Variants in OR3A2 observed in about 807,000 individuals in gnomAD.
OR3A2 encodes olfactory receptor 3A2.
For missense variants in OR3A2, 318 were observed against 392.8 expected (o/e 0.81, Z 1.61); for synonymous variants, 126 against 159.3 (o/e 0.79, Z 1.57).
chr17:3,285,384 T>C (rs900782996), upstream of OR3A2, among the ~76,000 whole-genome samples: 7 of 152,200 alleles, frequency 4.6e-5, no homozygotes, highest in African/African-American at 1.7e-4. Flanking sequence ...CTCAGTTTCC[T>C]CATCTGTAAA....
chr17:3,291,978 A>T, intron 3 of OR3A2: 6 of 1,614,228 alleles, frequency 3.7e-6, no homozygotes, highest in Non-Finnish European at 5.1e-6. Context: ...CACAGCAAAA[A>T]GCAGCAGCTC....
intron 3 of OR3A2, chr17:3,291,943 T>A (rs757012335): frequency 6.2e-7 from 1 of 1,613,962 alleles, no homozygotes; most frequent in Non-Finnish European, 8.5e-7. Context: ...ATGAGAGCCA[T>A]GGGGGTACCT....
chr17:3,310,810 C>G (rs1192083141), intron 3 of OR3A2: 1 of 787,340 alleles, frequency 1.3e-6, no homozygotes, highest in Admixed American at 1.9e-5. Flanking sequence ...GTTGCCCTGT[C>G]TCCTCTTAAC....
chr17:3,371,346 G>T (rs867575798), intron 2 of OR3A2, among the ~76,000 whole-genome samples: 1 of 150,628 alleles, frequency 6.6e-6, no homozygotes, highest in African/African-American at 2.4e-5. Context: ...CTCATCTCCC[G>T]GACGAGGCGG....
In OR3A2 at chr17:3,372,870, AGGG is replaced by A. The variant is rs2049644394; in HGVS notation, c.-179+10931_-179+10933del. Among the ~76,000 whole-genome samples the A allele has an allele frequency of 2.6e-4, 5 of 19,304 alleles. No individual in the cohort carries two copies. In the South Asian group the frequency reaches 0.019, roughly 74 times the overall value. 12.7% of individuals were successfully genotyped at this position (19,304 alleles called of 152,430 possible). On this transcript the variant is annotated intron_variant, in intron 2 of 4. Coordinates refer to the OR3A2 transcript ENST00000573491. ...GAAGGAGAGGGAGAGGGAGAGGGAGAGGGAGAGGGAGAGGGAGAGGGAGAGGGA... is the reference window on the plus strand; with the variant it reads ...GAAGGAGAGGGAGAGGGAGAGGGAGAAGAGGGAGAGGGAGAGGGAGAGGGA...
intron 2 of OR3A2, among the ~76,000 whole-genome samples, chr17:3,345,536 A>G (rs538500592): frequency 1.3e-5 from 2 of 152,248 alleles, no homozygotes; most frequent in South Asian, 2.1e-4. Context: ...GTGAAATAAA[A>G]TAAGAAGAGC....
chr17:3,370,551 C>T lies in OR3A2; in HGVS notation c.-179+13253G>A, dbSNP rs550962120. ...TGCTCTGATCTTTGTTATTTCTTTT[C>T]TTCTGCTGGGTTTGGGTTTCGTTTG... is the stretch of plus-strand genomic sequence containing the variant. On this transcript the variant is annotated intron_variant, in intron 2 of 4. Coordinates refer to the OR3A2 transcript ENST00000573491. 8.6e-5 allele frequency among the ~76,000 whole-genome samples: 13 copies of T among 151,622 alleles called. No individual in the cohort carries two copies. In the East Asian group the frequency reaches 2.5e-3, roughly 29 times the overall value.
chr17:3,296,177 A>T (rs778933100), intron 3 of OR3A2, among the ~76,000 whole-genome samples: 4 of 152,202 alleles, frequency 2.6e-5, no homozygotes, highest in African/African-American at 9.6e-5. Flanking sequence ...TCACAGCCCA[A>T]TGGAAAGAAA....
chr17:3,280,612 T>A (rs907800790), intron 1 of OR3A2, among the ~76,000 whole-genome samples: 2 of 152,102 alleles, frequency 1.3e-5, no homozygotes, highest in Non-Finnish European at 2.9e-5. Context: ...TCAAAAAACA[T>A]CAATGTCTCT....
chr17:3,344,342 G>A (rs2049345392), intron 2 of OR3A2, among the ~76,000 whole-genome samples: 1 of 151,992 alleles, frequency 6.6e-6, no homozygotes, highest in East Asian at 1.9e-4. Flanking sequence ...TTCCTGCTTT[G>A]CGTGTCCTGT....
intron 1 of OR3A2, among the ~76,000 whole-genome samples, chr17:3,284,040 C>G (rs1452829051): frequency 6.8e-6 from 1 of 147,938 alleles, no homozygotes; most frequent in Non-Finnish European, 1.5e-5. Flanking sequence ...CCATCCCTCA[C>G]GCGCCCAACA....
chr17:3,360,657 C>T (rs894921997), intron 2 of OR3A2, among the ~76,000 whole-genome samples: 11 of 151,698 alleles, frequency 7.3e-5, no homozygotes, highest in East Asian at 1.9e-4. Flanking sequence ...TTTCCCAGCA[C>T]CATTTGTTAA....
intron 3 of OR3A2, among the ~76,000 whole-genome samples, chr17:3,333,473 C>G (rs389631): frequency 6.6e-6 from 1 of 151,950 alleles, no homozygotes; most frequent in Non-Finnish European, 1.5e-5. Flanking sequence ...TGACCTACTC[C>G]CTGTTCGTAC....
At chr17:3,281,151 G>A (rs1175714508) in intron 1 of OR3A2, among the ~76,000 whole-genome samples, 1 of 152,086 alleles carries the variant, frequency 6.6e-6, no homozygotes, top group East Asian at 1.9e-4. Flanking sequence ...GATTTATGTG[G>A]GAGCCCCCAA....
At chr17:3,346,211 G>A (rs748066378) in intron 2 of OR3A2, among the ~76,000 whole-genome samples, 1 of 152,164 alleles carries the variant, frequency 6.6e-6, no homozygotes, top group South Asian at 2.1e-4. Context: ...TTTTAAGGCT[G>A]AATAGCATTC....
chr17:3,301,439 C>A (rs1311894184), intron 3 of OR3A2, among the ~76,000 whole-genome samples: 2 of 152,086 alleles, frequency 1.3e-5, no homozygotes. Flanking sequence ...TCTCTGATGG[C>A]CAGTGATGAT....
In OR3A2 at chr17:3,311,893, A is replaced by G. The variant is rs374386670; in HGVS notation, c.-85+24140T>C. On this transcript the variant is annotated intron_variant, in intron 3 of 4. Coordinates refer to the OR3A2 transcript ENST00000573491. The surrounding 1 kb of genome is among the most constrained non-coding windows in gnomAD (Gnocchi z 4.6). ...CCTCCAGAACCCTGATGTGCAGGGC[A>G]CCCTGAAAAGGGTGCTGACAGGGAA... The G allele has an allele frequency of 8.2e-4, 128 of 156,280 alleles. 4 individuals are homozygous for G. The South Asian group carries it at 0.014, about 18-fold the overall frequency. The allele number at this position is 156,280 out of a possible 1,614,324, so 9.7% of individuals were successfully genotyped here. A position where few individuals can be genotyped will look rare whatever the true frequency, so the allele number is the denominator to read the frequency against.
intron 2 of OR3A2, among the ~76,000 whole-genome samples, chr17:3,352,886 A>G (rs759336522): frequency 1.6e-4 from 25 of 151,988 alleles, no homozygotes; most frequent in Admixed American, 2.6e-4. Flanking sequence ...TAAACATGCA[A>G]TATCTTTCCA....
chr17:3,333,161 C>A (rs1018340419), intron 3 of OR3A2, among the ~76,000 whole-genome samples: 1 of 152,160 alleles, frequency 6.6e-6, no homozygotes, highest in Admixed American at 6.5e-5. Flanking sequence ...GGGTGGAGGT[C>A]TATAAATTGC....
Sources: gnomAD v4.1 joint callset for allele counts (sites outside exome capture counted in the v4.1 genomes callset) on GRCh38, gnomAD v4.1.1 for gene constraint, Gnocchi (gnomAD v3.1) non-coding constraint, MANE v1.5 for transcripts, NCBI Gene and HGNC (gene_info 2026-07-23, HGNC 2026-07-21) for gene names.